The following BRF1 variants were observed in gnomAD, a reference collection of about 807,000 sequenced individuals.
BRF1 encodes transcription factor IIIB 90 kDa subunit.
BRF1 carries 59 observed loss-of-function variants against 81.7 expected under a neutral mutation model. The ratio of observed to expected loss-of-function variants is 0.72; its 90% CI spans 0.59 to 0.90. BRF1 has a LOEUF of 0.90. Ranked by LOEUF, BRF1 falls within the 40% of genes least tolerant of loss-of-function variation. The pLI is 0.00. For missense variants in BRF1, 1,050 were observed against 936.3 expected (o/e 1.12, Z -1.58); for synonymous variants, 491 against 395.6 (o/e 1.24, Z -2.86).
intron 1 of BRF1, among the ~76,000 whole-genome samples, chr14:105,288,932 A>C (rs1448117612): frequency 6.7e-6 from 1 of 149,344 alleles, no homozygotes; most frequent in Admixed American, 6.7e-5. Context: ...ACTACTCAGG[A>C]GGCTGAGGTT....
Position 105,214,338 on chromosome 14 carries a change from G to A in BRF1, c.1773-2174C>T, listed in dbSNP as rs587596589. 9.4e-4 allele frequency among the ~76,000 whole-genome samples: 143 copies of A among 152,368 alleles called. 7 individuals are homozygous for A. The South Asian group carries it at 0.029, about 31-fold the overall frequency. On this transcript the variant is annotated intron_variant, in intron 15 of 17. Transcript: ENST00000547530. ...GCATGGGCTAGAGGAAGACCCCGAG[G>A]GTCAAAGCAGCCCGAGTGACCACAG...
chr14:105,310,661 G>T (rs1221628820), intron 1 of BRF1, among the ~76,000 whole-genome samples: 1 of 152,198 alleles, frequency 6.6e-6, no homozygotes, highest in Non-Finnish European at 1.5e-5. Context: ...TTCAGGACGG[G>T]GCGCAGCCCC....
At chr14:105,243,386 G>A (rs776374050) in intron 5 of BRF1, among the ~76,000 whole-genome samples, 2 of 146,718 alleles carry the variant, frequency 1.4e-5, no homozygotes, top group Non-Finnish European at 3.0e-5. Context: ...GGAGGTGGAG[G>A]TTATAGTGAG....
intron 1 of BRF1, among the ~76,000 whole-genome samples, chr14:105,295,807 G>A (rs1230227944): frequency 2.0e-5 from 3 of 150,796 alleles, no homozygotes; most frequent in Non-Finnish European, 4.4e-5. Context: ...AGCTGGGTGC[G>A]GTGGCTCACG....
chr14:105,254,656 G>A (rs587614637), intron 4 of BRF1, among the ~76,000 whole-genome samples: 2 of 152,214 alleles, frequency 1.3e-5, no homozygotes, highest in African/African-American at 4.8e-5. Flanking sequence ...CCACCTCAAG[G>A]GTTCAAGCGA....
intron 5 of BRF1, chr14:105,247,717 G>A (rs2055215517): frequency 2.0e-6 from 2 of 985,344 alleles, no homozygotes; most frequent in East Asian, 1.1e-4. Context: ...AAAGCCTGGC[G>A]GTCCAGGAGG....
At chr14:105,300,377 G>T in intron 1 of BRF1, 69 bp downstream of exon 1, 1 of 1,384,446 alleles carries the variant, frequency 7.2e-7, no homozygotes, top group Non-Finnish European at 9.4e-7. Context: ...TCCCGGCCGC[G>T]CCGTCACCGC....
chr14:105,250,580 A>C, intron 5 of BRF1: 1 of 1,614,068 alleles, frequency 6.2e-7, no homozygotes, highest in South Asian at 1.1e-5. Flanking sequence ...GCAGTGTGGA[A>C]AGGTGGCCTT....
intron 5 of BRF1, chr14:105,242,596 G>T (rs140294489): frequency 6.6e-6 from 1 of 151,866 alleles, no homozygotes; most frequent in Non-Finnish European, 1.5e-5. Context: ...TTTGCAGGGC[G>T]TGGTGGTGCA....
At chr14:105,253,034 G>GC (rs2055694290) in intron 4 of BRF1, among the ~76,000 whole-genome samples, 1 of 152,160 alleles carries the variant, frequency 6.6e-6, no homozygotes, top group Admixed American at 6.5e-5. Flanking sequence ...TGACTCCCCT[G>GC]CCCCCCACAC....
Position 105,226,084 on chromosome 14 carries a change from T to C in BRF1, c.1033A>G (p.Ser345Gly). 6.2e-7 allele frequency: 1 copy of C among 1,613,912 alleles called. No homozygotes were observed. Among genetic ancestry groups the C allele is most frequent in the Non-Finnish European group, 8.5e-7 (1 of 1,179,980 alleles). ...GTGGACTCACCATCTTTTGCCAGGC[T>C]GGCCAGGCCCCCCTTGGCCTTTGGC... Reference protein sequence around the residue: ...SRPKAKGGLASLAKDGSTEDT... With the variant: ...SRPKAKGGLAGLAKDGSTEDT... The change falls in exon 10 of 18, where the codon AGC becomes GGC. Residue 345 changes from serine to glycine, a missense_variant. Around this residue, in one of 2 missense-constraint regions of BRF1, gnomAD observed 1,043 missense variants for 915.4 expected, o/e 1.14. Coordinates refer to ENST00000547530, the MANE Select transcript of BRF1 (RefSeq NM_001519.4).
chr14:105,275,775 G>A (rs2056857003), intron 2 of BRF1, among the ~76,000 whole-genome samples: 1 of 152,380 alleles, frequency 6.6e-6, no homozygotes, highest in East Asian at 1.9e-4. Flanking sequence ...TATCCCCTAC[G>A]GGGATGGTAT....
chr14:105,211,059 G>T, intron 17 of BRF1, 63 bp downstream of exon 17: 1 of 1,584,634 alleles, frequency 6.3e-7, no homozygotes. Flanking sequence ...CAGGGATCAT[G>T]AGGGGCAGTA....
intron 7 of BRF1, 146 bp downstream of exon 7, chr14:105,228,674 G>A: frequency 1.2e-6 from 1 of 849,228 alleles, no homozygotes; most frequent in Non-Finnish European, 1.9e-6. Context: ...AAGCCATAGT[G>A]TGACCGGGGC....
intron 5 of BRF1, chr14:105,250,364 G>A: frequency 6.2e-7 from 1 of 1,613,750 alleles, no homozygotes; most frequent in Non-Finnish European, 8.5e-7. Flanking sequence ...TGGGAAGGCT[G>A]AGTACAGCGT....
intron 1 of BRF1, among the ~76,000 whole-genome samples, chr14:105,313,641 G>C (rs2058417656): frequency 6.6e-6 from 1 of 152,240 alleles, no homozygotes; most frequent in African/African-American, 2.4e-5. Flanking sequence ...CAAGCCCCGT[G>C]GGCCAGGAAA....
chr14:105,294,433 G>A (rs1372179961), intron 1 of BRF1, among the ~76,000 whole-genome samples: 2 of 152,260 alleles, frequency 1.3e-5, no homozygotes, highest in Non-Finnish European at 2.9e-5. Flanking sequence ...GCTGTCACCA[G>A]GCCCGGATGC....
chr14:105,300,130 G>A (rs1458305555), intron 1 of BRF1, among the ~76,000 whole-genome samples: 1 of 152,236 alleles, frequency 6.6e-6, no homozygotes, highest in East Asian at 1.9e-4. Context: ...CAAAACTGCA[G>A]GCACAGAGAG....
chr14:105,259,880 C>T (rs1267104408), intron 3 of BRF1, among the ~76,000 whole-genome samples: 1 of 152,072 alleles, frequency 6.6e-6, no homozygotes, highest in African/African-American at 2.4e-5. Context: ...ATACTGCACT[C>T]AGCCTGGGCG....
Sources: gnomAD v4.1 joint callset for allele counts (sites outside exome capture counted in the v4.1 genomes callset) on GRCh38, gnomAD v4.1.1 for gene constraint, gnomAD v4.1.1 regional missense constraint, MANE v1.5 for transcripts, NCBI Gene and HGNC (gene_info 2026-07-23, HGNC 2026-07-21) for gene names.